The following ST3GAL3 variants were observed in gnomAD, a reference collection of about 807,000 sequenced individuals.
ST3GAL3 encodes CMP-N-acetylneuraminate-beta-1,4-galactoside alpha-2,3-sialyltransferase.
In ST3GAL3, 21 loss-of-function variants were observed where a neutral mutation model predicts 50.1. The observed-to-expected ratio is 0.42, with a 90% CI of 0.30 to 0.60. ST3GAL3 has a LOEUF of 0.60. Ranked by LOEUF, ST3GAL3 falls within the 20% of genes least tolerant of loss-of-function variation. The pLI, the probability that ST3GAL3 is intolerant of heterozygous loss-of-function variation, is 0.19. For synonymous variants in ST3GAL3, 183 were observed against 190.0 expected (o/e 0.96, Z 0.30); for missense variants, 353 against 489.4 (o/e 0.72, Z 2.63).
intron 5 of ST3GAL3, among the ~76,000 whole-genome samples, chr1:43,846,902 A>T (rs1469643576): frequency 4.6e-5 from 7 of 152,224 alleles, no homozygotes; most frequent in Non-Finnish European, 5.9e-5. Flanking sequence ...CATATATCTG[A>T]TAAGAGGTTA....
At position 43,730,007 on chromosome 1, in the gene ST3GAL3, C is replaced by T. The variant is rs139646619; in HGVS notation, c.-30-6226C>T. Among the ~76,000 whole-genome samples, 986 of 152,258 alleles carry T rather than the reference C, an allele frequency of 6.5e-3. 6 individuals carry two copies. Among genetic ancestry groups the T allele is most frequent in the Admixed American group, 0.01 (154 of 15,280 alleles). On this transcript the variant is annotated intron_variant, in intron 1 of 11. Transcript: ENST00000347631. ...ATGTGTCAGACTTTTGTCCTAGCGG[C>T]GAGTTTGAAATTACATCTCTCACAG...
chr1:43,929,998 AT>A (rs1395691428), intron 11 of ST3GAL3, 133 bp from the exon 12 acceptor site: 1 of 791,366 alleles, frequency 1.3e-6, no homozygotes, highest in Non-Finnish European at 2.3e-6. Flanking sequence ...GACACAACTG[AT>A]TACCAGTATC....
Position 43,737,935 on chromosome 1 carries a change from A to T in ST3GAL3, c.118+1555A>T, listed in dbSNP as rs937624174. 6.6e-6 allele frequency: 1 copy of T among 152,258 alleles called. No individual in the cohort carries two copies. Among genetic ancestry groups the T allele is most frequent in the Admixed American group, 6.5e-5 (1 of 15,284 alleles). 9.4% of individuals were successfully genotyped at this position (152,258 alleles called of 1,614,324 possible). A position where few individuals can be genotyped will look rare whatever the true frequency, so the allele number is the denominator to read the frequency against. ...TAATTCTTACTGCAGTTTTGTGAAG[A>T]TGCCATTATTATCCCCATTTTCCAG... On this transcript the variant is annotated intron_variant, in intron 2 of 11. Coordinates refer to ENST00000347631, the MANE Select transcript of ST3GAL3 (RefSeq NM_006279.5). This position sits in a 1 kb window ranked among gnomAD's most constrained non-coding sequence, Gnocchi z 4.0.
At chr1:43,826,813 C>A (rs1381516999) in intron 4 of ST3GAL3, among the ~76,000 whole-genome samples, 4 of 152,162 alleles carry the variant, frequency 2.6e-5, no homozygotes, top group Non-Finnish European at 5.9e-5. Flanking sequence ...AATGCATATT[C>A]TGTTACATCA....
intron 5 of ST3GAL3, among the ~76,000 whole-genome samples, chr1:43,890,506 T>G (rs1409992606): frequency 6.6e-6 from 1 of 152,178 alleles, no homozygotes; most frequent in African/African-American, 2.4e-5. Context: ...GGCTGAATCA[T>G]TCAAGGCATA....
At chr1:43,911,412 A>G (rs973563721) in intron 9 of ST3GAL3, among the ~76,000 whole-genome samples, 1 of 149,350 alleles carries the variant, frequency 6.7e-6, no homozygotes, top group Non-Finnish European at 1.5e-5. Flanking sequence ...CCAGACCACC[A>G]TGGTCCAGCA....
intron 6 of ST3GAL3, among the ~76,000 whole-genome samples, chr1:43,897,088 G>GTTT (rs546331081): frequency 8.0e-6 from 1 of 124,788 alleles, no homozygotes; most frequent in Non-Finnish European, 1.7e-5. Context: ...ATTTAATCTG[G>GTTT]TTTTTTTTTT....
chr1:43,756,711 A>C (rs1474923011), intron 2 of ST3GAL3, among the ~76,000 whole-genome samples: 1 of 152,206 alleles, frequency 6.6e-6, no homozygotes, highest in Non-Finnish European at 1.5e-5. Flanking sequence ...TTGTTTCTGT[A>C]TACCTATACA....
intron 2 of ST3GAL3, among the ~76,000 whole-genome samples, chr1:43,775,958 G>A (rs1445914614): frequency 6.6e-6 from 1 of 152,048 alleles, no homozygotes; most frequent in Non-Finnish European, 1.5e-5. Context: ...ACCACAGTAT[G>A]GTCAGTGTTT....
intron 3 of ST3GAL3, among the ~76,000 whole-genome samples, chr1:43,806,033 A>C (rs1444806068): frequency 2.6e-5 from 4 of 152,108 alleles, no homozygotes; most frequent in African/African-American, 9.6e-5. Context: ...CGTGCCCGGC[A>C]AGGAATACTT....
intron 2 of ST3GAL3, among the ~76,000 whole-genome samples, chr1:43,782,070 T>C (rs1467426177): frequency 1.3e-5 from 2 of 152,234 alleles, no homozygotes; most frequent in Non-Finnish European, 2.9e-5. Context: ...TAACTGAACC[T>C]GCTCTTTCTG....
Position 43,772,893 on chromosome 1 carries a change from C to T in ST3GAL3, c.119-19209C>T, listed in dbSNP as rs770798538. Among the ~76,000 whole-genome samples the T allele has an allele frequency of 3.3e-5, 5 of 152,154 alleles. No individual in the cohort carries two copies. The South Asian group carries it at 8.3e-4, about 25-fold the overall frequency. On this transcript the variant is annotated intron_variant, in intron 2 of 11. Transcript: ENST00000347631. Reference sequence around the variant, plus strand: ...TCCCGAGTAGCTGAGATTACAGGCACGTGCCACCAGGCCCAGCTGATTTTT... The same window carrying T: ...TCCCGAGTAGCTGAGATTACAGGCATGTGCCACCAGGCCCAGCTGATTTTT...
Position 43,771,791 on chromosome 1 carries a change from G to C in ST3GAL3, c.119-20311G>C, listed in dbSNP as rs984376624. 1.3e-5 allele frequency: 5 copies of C among 388,586 alleles called. No individual in the cohort carries two copies. In the Admixed American group the frequency reaches 1.3e-4, roughly 10 times the overall value. The allele number at this position is 388,586 out of a possible 1,614,324, so 24.1% of individuals were successfully genotyped here. A position where few individuals can be genotyped will look rare whatever the true frequency, so the allele number is the denominator to read the frequency against. ...GTGTGTATAGTATCTGCACTATCCA[G>C]ATCATGGTTGTTATAGTTGTGATGC... is the stretch of plus-strand genomic sequence containing the variant. On this transcript the variant is annotated intron_variant, in intron 2 of 11. Coordinates refer to ENST00000347631, the MANE Select transcript of ST3GAL3 (RefSeq NM_006279.5).
intron 11 of ST3GAL3, 89 bp from the exon 12 acceptor site, chr1:43,930,043 A>T: frequency 9.7e-7 from 1 of 1,029,594 alleles, no homozygotes; most frequent in Non-Finnish European, 1.5e-6. Context: ...GGAGTATTGG[A>T]GAGTGGTGAC....
intron 2 of ST3GAL3, among the ~76,000 whole-genome samples, chr1:43,740,191 G>A (rs56400741): frequency 0.078 from 11,813 of 151,740 alleles, 1,516 homozygotes; most frequent in African/African-American, 0.27. Context: ...GTGAAACCCC[G>A]TCTCTATTAA....
At chr1:43,812,463 C>T (rs2060672689) in intron 3 of ST3GAL3, among the ~76,000 whole-genome samples, 1 of 152,150 alleles carries the variant, frequency 6.6e-6, no homozygotes, top group Admixed American at 6.5e-5. Flanking sequence ...TGTCTCTTTT[C>T]TGAGGGCTGT....
At chr1:43,821,111 C>T (rs1041005144) in intron 4 of ST3GAL3, among the ~76,000 whole-genome samples, 13 of 152,122 alleles carry the variant, frequency 8.5e-5, no homozygotes, top group Admixed American at 1.3e-4. Flanking sequence ...AATTCTAAGA[C>T]ATAGACACAG....
intron 9 of ST3GAL3, chr1:43,919,065 G>GT (rs1427373785): frequency 8.2e-5 from 4 of 48,968 alleles, no homozygotes; most frequent in South Asian, 7.8e-4. Flanking sequence ...TCCTTTCTTT[G>GT]TTTCTTTTTT....
chr1:43,867,873 G>A (rs1331557827), intron 5 of ST3GAL3, among the ~76,000 whole-genome samples: 1 of 152,030 alleles, frequency 6.6e-6, no homozygotes, highest in Non-Finnish European at 1.5e-5. Flanking sequence ...GGATGAAGGA[G>A]AATAGGAAAA....
Sources: allele counts gnomAD v4.1 joint callset (sites outside exome capture counted in the v4.1 genomes callset), GRCh38; gene constraint gnomAD v4.1.1; non-coding constraint Gnocchi (gnomAD v3.1); transcripts MANE v1.5; gene names NCBI Gene and HGNC (gene_info 2026-07-23, HGNC 2026-07-21).